DPYD: variants seen among roughly 807,000 people sequenced by gnomAD.
The protein encoded by DPYD is dihydropyrimidine dehydrogenase.
In DPYD, 109 loss-of-function variants were observed where a neutral mutation model predicts 116.2. The observed-to-expected ratio is 0.94, with a 90% CI of 0.80 to 1.10. DPYD has a LOEUF of 1.10. Ranked by LOEUF, DPYD falls within the 50% of genes least tolerant of loss-of-function variation. DPYD has a pLI of 0.00. For missense variants in DPYD, 1,302 were observed against 1,254.5 expected (o/e 1.04, Z -0.57); for synonymous variants, 440 against 432.0 (o/e 1.02, Z -0.23).
chr1:97,763,229 T>C (rs1448607003), intron 3 of DPYD, among the ~76,000 whole-genome samples: 2 of 152,158 alleles, frequency 1.3e-5, no homozygotes, highest in Middle Eastern at 3.4e-3. Flanking sequence ...AGGGCCCATA[T>C]TGTATTCCTT....
At chr1:97,207,893 T>G (rs1488814839) in intron 19 of DPYD, among the ~76,000 whole-genome samples, 1 of 152,204 alleles carries the variant, frequency 6.6e-6, no homozygotes, top group Non-Finnish European at 1.5e-5. Context: ...TTTAATTATT[T>G]CAAGTTCATA....
intron 2 of DPYD, among the ~76,000 whole-genome samples, chr1:97,852,094 G>T (rs929656455): frequency 2.0e-5 from 3 of 149,914 alleles, no homozygotes; most frequent in Non-Finnish European, 4.4e-5. Context: ...CCAAATGAAA[G>T]AATGTGGAAA....
chr1:97,464,518 C>A (rs1677202979), intron 13 of DPYD, among the ~76,000 whole-genome samples: 1 of 152,078 alleles, frequency 6.6e-6, no homozygotes, highest in Non-Finnish European at 1.5e-5. Context: ...GGTCCAGGGT[C>A]CCTCTGCTGT....
rs984211932 is a variant in DPYD at position 97,643,238 on chromosome 1, G to T, written c.850+35857C>A. 4.6e-5 allele frequency among the ~76,000 whole-genome samples: 7 copies of T among 151,972 alleles called. No individual in the cohort carries two copies. In the East Asian group the frequency reaches 5.8e-4, roughly 13 times the overall value. ...ACAAGGAACTTAAACAAATTTATAA[G>T]AAATAAGCAAACAACCCCATCAAAA... is the stretch of plus-strand genomic sequence containing the variant. On this transcript the variant is annotated intron_variant, in intron 8 of 22. Transcript: ENST00000370192.
intron 1 of DPYD, among the ~76,000 whole-genome samples, chr1:97,897,723 G>A (rs1673151093): frequency 1.3e-5 from 2 of 151,668 alleles, no homozygotes; most frequent in South Asian, 4.2e-4. Flanking sequence ...TATCTATTTT[G>A]CACACCTCTA....
chr1:97,504,853 GA>G (rs1420071602), intron 13 of DPYD, among the ~76,000 whole-genome samples: 1 of 142,796 alleles, frequency 7.0e-6, no homozygotes, highest in Non-Finnish European at 1.5e-5. Flanking sequence ...GTGGTCACGA[GA>G]TCTGATCTCC....
chr1:97,551,872 T>C (rs1384640006), intron 11 of DPYD, among the ~76,000 whole-genome samples: 1 of 152,170 alleles, frequency 6.6e-6, no homozygotes, highest in Admixed American at 6.5e-5. Context: ...TTTCTTTCCA[T>C]TATTCCCTAA....
At chr1:97,910,188 T>C (rs1271835040) in intron 1 of DPYD, among the ~76,000 whole-genome samples, 5 of 151,972 alleles carry the variant, frequency 3.3e-5, no homozygotes, top group Non-Finnish European at 5.9e-5. Flanking sequence ...ATTAAAGAAA[T>C]TTTTTTTACT....
Position 97,324,469 on chromosome 1 carries a change from G to A in DPYD, c.2059-18172C>T, listed in dbSNP as rs543404781. On this transcript the variant is annotated intron_variant, in intron 16 of 22. Coordinates refer to ENST00000370192, the MANE Select transcript of DPYD (RefSeq NM_000110.4). The stretch of plus-strand genomic sequence containing the variant: ...GGTAGCCAGGACACACACTTTTACG[G>A]CAGGTGTATGCCAAATACTGCTTCT... Among the ~76,000 whole-genome samples, 19 of 152,114 alleles carry A rather than the reference G, an allele frequency of 1.2e-4. 1 individual carries two copies. The highest frequency in any genetic ancestry group is 4.6e-4 in the African/African-American group (19 of 41,512).
At chr1:97,371,805 G>T (rs1334581824) in intron 16 of DPYD, among the ~76,000 whole-genome samples, 2 of 152,158 alleles carry the variant, frequency 1.3e-5, no homozygotes, top group Non-Finnish European at 2.9e-5. Context: ...TGAAGAATTG[G>T]TTTCAGTTGT....
chr1:97,173,192 GTA>G (rs894970899), intron 20 of DPYD, among the ~76,000 whole-genome samples: 6 of 146,028 alleles, frequency 4.1e-5, no homozygotes, highest in African/African-American at 1.0e-4. Flanking sequence ...ATATATATGT[GTA>G]TATATGTGTA....
At chr1:97,139,153 G>A (rs1252505284) in intron 20 of DPYD, among the ~76,000 whole-genome samples, 2 of 152,012 alleles carry the variant, frequency 1.3e-5, no homozygotes, top group African/African-American at 2.4e-5. Context: ...TCCAAATTAA[G>A]AATTCTACAA....
intron 8 of DPYD, among the ~76,000 whole-genome samples, chr1:97,671,913 C>A (rs1040768172): frequency 2.0e-5 from 3 of 147,438 alleles, no homozygotes; most frequent in Non-Finnish European, 4.5e-5. Context: ...TTTGTCTTTT[C>A]TTTTTATTTA....
chr1:97,895,501 T>C (rs1323710083), intron 1 of DPYD, among the ~76,000 whole-genome samples: 1 of 151,774 alleles, frequency 6.6e-6, no homozygotes, highest in Non-Finnish European at 1.5e-5. Flanking sequence ...CTAGTTGCCC[T>C]TCATCTATAT....
chr1:97,426,874 G>A (rs144510052), intron 14 of DPYD, among the ~76,000 whole-genome samples: 14 of 152,158 alleles, frequency 9.2e-5, no homozygotes, highest in African/African-American at 3.1e-4. Context: ...ACTGATTAGA[G>A]AATATTAACC....
chr1:97,547,662 T>C (rs1570939354), intron 12 of DPYD, among the ~76,000 whole-genome samples: 2 of 151,240 alleles, frequency 1.3e-5, no homozygotes, highest in Admixed American at 1.3e-4. Context: ...TTCTCTCTCT[T>C]TCTCTCTCGT....
intron 16 of DPYD, among the ~76,000 whole-genome samples, chr1:97,372,799 A>G (rs1195763929): frequency 1.3e-5 from 2 of 152,044 alleles, no homozygotes; most frequent in South Asian, 2.1e-4. Context: ...AGACATGGAG[A>G]TAAAATAAAC....
intron 8 of DPYD, among the ~76,000 whole-genome samples, chr1:97,628,953 A>G (rs1272797053): frequency 1.3e-5 from 2 of 152,052 alleles, no homozygotes; most frequent in South Asian, 2.1e-4. Context: ...ATGCTAAATA[A>G]AAGAACCCAG....
intron 22 of DPYD, among the ~76,000 whole-genome samples, chr1:97,080,558 A>T (rs996430310): frequency 2.0e-5 from 3 of 152,150 alleles, no homozygotes; most frequent in Non-Finnish European, 2.9e-5. Flanking sequence ...TAGCTATAGC[A>T]AGTCATGAGA....
Sources: gnomAD v4.1 joint callset for allele counts (sites outside exome capture counted in the v4.1 genomes callset) on GRCh38, gnomAD v4.1.1 for gene constraint, MANE v1.5 for transcripts, NCBI Gene and HGNC (gene_info 2026-07-23, HGNC 2026-07-21) for gene names.